KLF17: variants seen among roughly 807,000 people sequenced by gnomAD.
KLF17 encodes Krueppel-like factor 17.
KLF17 carries 31 observed loss-of-function variants against 34.2 expected under a neutral mutation model. The observed-to-expected ratio is 0.91, with a 90% CI of 0.68 to 1.22. The LOEUF is 1.22. Among genes scored for constraint, KLF17 ranks in the 50% most tolerant of loss-of-function variants. The pLI is 0.00. For synonymous variants in KLF17, 179 were observed against 186.7 expected (o/e 0.96, Z 0.34); for missense variants, 478 against 505.2 (o/e 0.95, Z 0.52).
intron 1 of KLF17, among the ~76,000 whole-genome samples, chr1:44,120,934 C>T (rs1490818644): frequency 2.0e-5 from 3 of 152,134 alleles, no homozygotes; most frequent in African/African-American, 7.2e-5. Context: ...TGGTCCACAA[C>T]GATCACACCT....
intron 1 of KLF17, among the ~76,000 whole-genome samples, chr1:44,128,706 A>T (rs568453161): frequency 9.9e-5 from 15 of 152,088 alleles, no homozygotes; most frequent in African/African-American, 3.4e-4. Context: ...TTTCACTTTC[A>T]CACTTATGTA....
intron 1 of KLF17, among the ~76,000 whole-genome samples, chr1:44,123,808 T>A (rs2087976578): frequency 6.6e-6 from 1 of 152,198 alleles, no homozygotes; most frequent in Non-Finnish European, 1.5e-5. Context: ...GTGATTTTTT[T>A]ATTTGACCCA....
At chr1:44,118,268 A>C (rs2087901856), upstream of KLF17, among the ~76,000 whole-genome samples, 3 of 152,134 alleles carry the variant, frequency 2.0e-5, no homozygotes, top group South Asian at 2.1e-4. Context: ...TTACTATTTT[A>C]CCCCTAGTTC....
chr1:44,116,037 A>T (rs1187206103), upstream of KLF17: 5 of 152,074 alleles, frequency 3.3e-5, no homozygotes, highest in Admixed American at 3.3e-4. Context: ...TTATTTTTAG[A>T]GGAGGGGGGT....
the KLF17 span, among the ~76,000 whole-genome samples, chr1:44,102,042 C>G: frequency 6.8e-6 from 1 of 146,660 alleles, no homozygotes; most frequent in Non-Finnish European, 1.5e-5. Flanking sequence ...GAGACCCTGT[C>G]TCAAAAACAA....
chr1:44,096,543 C>T, the KLF17 span, among the ~76,000 whole-genome samples: 2 of 151,670 alleles, frequency 1.3e-5, no homozygotes, highest in Non-Finnish European at 2.9e-5. Flanking sequence ...GGACTACAGG[C>T]GCCCACCACC....
rs76125718 is a variant in KLF17 at position 44,127,663 on chromosome 1, T to C, written c.82-1690T>C. Among the ~76,000 whole-genome samples the C allele has an allele frequency of 5.9e-5, 5 of 84,914 alleles. No homozygotes were observed. The South Asian group carries it at 1.3e-3, about 21-fold the overall frequency. 55.7% of individuals were successfully genotyped at this position (84,914 alleles called of 152,430 possible). On this transcript the variant is annotated intron_variant, in intron 1 of 3. Coordinates refer to ENST00000372299, the MANE Select transcript of KLF17 (RefSeq NM_173484.4). ...CCTTCTTTCTTTCTTTCTTTCTTTCTTTCTTTCTTTCTTTCTTTCTTTCTT... is the reference window on the plus strand; with the variant it reads ...CCTTCTTTCTTTCTTTCTTTCTTTCCTTCTTTCTTTCTTTCTTTCTTTCTT...
the KLF17 span, among the ~76,000 whole-genome samples, chr1:44,097,011 G>T: frequency 6.6e-6 from 1 of 152,170 alleles, no homozygotes; most frequent in African/African-American, 2.4e-5. Context: ...TGTATAAGGT[G>T]TAACGAAGTG....
chr1:44,121,954 G>C lies in KLF17; in HGVS notation c.81+2966G>C, dbSNP rs914151896. On this transcript the variant is annotated intron_variant, in intron 1 of 3. Coordinates refer to ENST00000372299, the MANE Select transcript of KLF17 (RefSeq NM_173484.4). The stretch of plus-strand genomic sequence containing the variant: ...GTTCCCTACCAGCCATTCACCTACT[G>C]GTTTTAACACCAAATTTAAATTTTT... Among the ~76,000 whole-genome samples, 11 of 152,100 alleles carry C rather than the reference G, an allele frequency of 7.2e-5. 1 individual carries two copies. The highest frequency in any genetic ancestry group is 5.9e-4 in the Admixed American group (9 of 15,266).
the KLF17 span, among the ~76,000 whole-genome samples, chr1:44,100,250 T>C: frequency 1.6e-5 from 2 of 123,380 alleles, no homozygotes; most frequent in African/African-American, 3.1e-5. Context: ...AGAGTGAGAC[T>C]CCATCTCAAA....
chr1:44,111,599 T>A, the KLF17 span, among the ~76,000 whole-genome samples: 1 of 151,810 alleles, frequency 6.6e-6, no homozygotes, highest in African/African-American at 2.4e-5. Flanking sequence ...ACACCATACA[T>A]AACTGTGGTG....
At chr1:44,078,677 C>A in the KLF17 span, among the ~76,000 whole-genome samples, 5 of 152,260 alleles carry the variant, frequency 3.3e-5, no homozygotes, top group South Asian at 8.3e-4. Context: ...ACCTCATGAT[C>A]TGCCCACCTC....
At chr1:44,094,248 C>G in the KLF17 span, among the ~76,000 whole-genome samples, 1 of 152,000 alleles carries the variant, frequency 6.6e-6, no homozygotes, top group African/African-American at 2.4e-5. Flanking sequence ...TTATTAATCC[C>G]TTGTCAGATG....
Position 44,130,734 on chromosome 1 carries a change from GTCC to G in KLF17, c.1153_1155del (p.Pro385del), listed in dbSNP as rs1353585495. On this transcript the variant is annotated inframe_deletion, in exon 3 of 4. Coordinates refer to ENST00000372299, the MANE Select transcript of KLF17 (RefSeq NM_173484.4). ...AACAACAACAATGGAGAGCAGGACAGTCCTCCTGCTGCTGGTCCTTAGGTCAGT... is the reference window on the plus strand; with the variant it reads ...AACAACAACAATGGAGAGCAGGACAGTCCTGCTGCTGGTCCTTAGGTCAGT... 1 of 1,613,580 alleles carries G rather than the reference GTCC, an allele frequency of 6.2e-7. No individual in the cohort carries two copies. The highest frequency in any genetic ancestry group is 8.5e-7 in the Non-Finnish European group (1 of 1,179,522).
the KLF17 span, among the ~76,000 whole-genome samples, chr1:44,049,211 G>A: frequency 6.6e-6 from 1 of 151,882 alleles, no homozygotes; most frequent in Admixed American, 6.6e-5. Context: ...ATCCCATCAT[G>A]AGGACCCTAC....
At chr1:44,066,312 T>C in the KLF17 span, among the ~76,000 whole-genome samples, 2 of 150,740 alleles carry the variant, frequency 1.3e-5, no homozygotes, top group Non-Finnish European at 2.9e-5. Context: ...GAGTGAGACC[T>C]TTCCTCAAAA....
the KLF17 span, among the ~76,000 whole-genome samples, chr1:44,110,214 T>C: frequency 6.6e-6 from 1 of 152,110 alleles, no homozygotes; most frequent in Admixed American, 6.5e-5. Context: ...GCCTACACTT[T>C]CTTAAAATGG....
the KLF17 span, chr1:44,048,493 A>G: frequency 6.6e-6 from 1 of 152,150 alleles, no homozygotes; most frequent in African/African-American, 2.4e-5. Context: ...AATGGTGAGT[A>G]TTTTTGTCTT....
At chr1:44,084,301 C>T in the KLF17 span, among the ~76,000 whole-genome samples, 1 of 152,154 alleles carries the variant, frequency 6.6e-6, no homozygotes, top group South Asian at 2.1e-4. Context: ...AGACATTACA[C>T]ATTTCCCTAT....
Sources: gnomAD v4.1 joint callset for allele counts (sites outside exome capture counted in the v4.1 genomes callset) on GRCh38, gnomAD v4.1.1 for gene constraint, MANE v1.5 for transcripts, NCBI Gene and HGNC (gene_info 2026-07-23, HGNC 2026-07-21) for gene names.